WDR76: variants seen among roughly 807,000 people sequenced by gnomAD.
WDR76 encodes WD repeat domain 76, also known as WD repeat-containing protein 76.
A neutral mutation model predicts 70.2 loss-of-function variants in WDR76; 52 were observed. The ratio of observed to expected loss-of-function variants is 0.74; its 90% CI spans 0.59 to 0.93. The LOEUF is 0.93. Among genes scored for constraint, WDR76 ranks in the 40% least tolerant of loss-of-function variants. The pLI is 0.00. For missense variants in WDR76, 756 were observed against 760.2 expected, an observed-to-expected ratio of 0.99 and a Z score of 0.07; for synonymous variants, 292 against 271.1, an observed-to-expected ratio of 1.08 and a Z score of -0.76.
At chr15:43,842,560 G>A in intron 6 of WDR76, 44 bp downstream of exon 6, 1 of 1,594,612 alleles carries the variant, frequency 6.3e-7, no homozygotes, top group Non-Finnish European at 8.6e-7. Context: ...CATCTGTTAA[G>A]GAAATATATA....
chr15:43,854,702 G>C (rs1273238294), intron 9 of WDR76, among the ~76,000 whole-genome samples: 1 of 150,818 alleles, frequency 6.6e-6, no homozygotes, highest in Admixed American at 6.6e-5. Flanking sequence ...TAATCCCAGC[G>C]CTTTGGGAGG....
In WDR76 at chr15:43,832,743, G is replaced by GTTTTT. The variant is rs201304087; in HGVS notation, c.463-2295_463-2291dup. Among the ~76,000 whole-genome samples, 317 of 68,112 alleles carry GTTTTT rather than the reference G, an allele frequency of 4.7e-3. 96 individuals carry two copies. Among genetic ancestry groups the GTTTTT allele is most frequent in the Middle Eastern group, 0.02 (1 of 50 alleles). The allele number at this position is 68,112 out of a possible 152,430, so 44.7% of individuals were successfully genotyped here. On this transcript the variant is annotated intron_variant, in intron 2 of 12. Coordinates refer to ENST00000263795, the MANE Select transcript of WDR76 (RefSeq NM_024908.4). Reference sequence around the variant, plus strand: ...TGAGCCATTGCACCCGGCTTGCTTTGTTTTTTTTTTTTTTTTTTTTTTTTT... The same window carrying GTTTTT: ...TGAGCCATTGCACCCGGCTTGCTTTGTTTTTTTTTTTTTTTTTTTTTTTTTTTTTT...
At chr15:43,833,249 T>C (rs1430349044) in intron 2 of WDR76, among the ~76,000 whole-genome samples, 2 of 152,024 alleles carry the variant, frequency 1.3e-5, no homozygotes, top group African/African-American at 2.4e-5. Flanking sequence ...ACTACAAACT[T>C]GAACTTCTGG....
At chr15:43,860,432 T>G (rs144360728) in intron 11 of WDR76, among the ~76,000 whole-genome samples, 32 of 152,326 alleles carry the variant, frequency 2.1e-4, no homozygotes, top group African/African-American at 7.5e-4. Flanking sequence ...TTGTATATAG[T>G]TTTACAGTTC....
chr15:43,866,409 C>G lies in WDR76; in HGVS notation c.*17C>G, dbSNP rs779955272. Reference sequence around the variant, plus strand: ...AGCTGCTGAGTTTTTGGTTTAGGAACATCAATTTGTTCAAATTGACCACTG... The same window carrying G: ...AGCTGCTGAGTTTTTGGTTTAGGAAGATCAATTTGTTCAAATTGACCACTG... On this transcript the variant is annotated 3_prime_UTR_variant, in exon 13 of 13. Transcript: ENST00000263795. The G allele has an allele frequency of 3.1e-6, 5 of 1,611,238 alleles. No homozygotes were observed. The highest frequency in any genetic ancestry group is 3.4e-6 in the Non-Finnish European group (4 of 1,177,752).
At position 43,829,499 on chromosome 15, in the gene WDR76, CTTTTTTTT is replaced by C. The variant is rs34835269; in HGVS notation, c.462+1152_462+1159del. 1.4e-4 allele frequency among the ~76,000 whole-genome samples: 8 copies of C among 58,000 alleles called. No individual in the cohort carries two copies. In the South Asian group the frequency reaches 3.4e-3, roughly 25 times the overall value. The allele number at this position is 58,000 out of a possible 152,430, so 38.1% of individuals were successfully genotyped here. On this transcript the variant is annotated intron_variant, in intron 2 of 12. Transcript: ENST00000263795. ...TGGGGTTGAGAGCCTAGCATGGCCA[CTTTTTTTT>C]TTTTTTTTTTTTTTTTTTGAGACGA...
At chr15:43,832,156 C>T (rs536974328) in intron 2 of WDR76, among the ~76,000 whole-genome samples, 2 of 152,170 alleles carry the variant, frequency 1.3e-5, no homozygotes, top group Admixed American at 1.3e-4. Context: ...CATTGTCTTC[C>T]AGCTTCCTTC....
At position 43,827,036 on chromosome 15, in the gene WDR76, T is replaced by G. The variant is rs1191482397; in HGVS notation, c.4T>G (p.Ser2Ala). 1 of 1,614,030 alleles carries G rather than the reference T, an allele frequency of 6.2e-7. No homozygotes were observed. Among genetic ancestry groups the G allele is most frequent in the Non-Finnish European group, 8.5e-7 (1 of 1,180,012 alleles). ...CCGGCCGCTAAGAAGCCGAAAGATG[T>G]CCAGGTCGGGCGCGGCGGCTGAGAA... M[S>A]RSGAAAEKAD... The change falls in exon 1 of 13, where the codon TCC becomes GCC. Residue 2 changes from serine (S) to alanine (A), a missense_variant. Ser to Ala is a moderately conservative substitution (Grantham distance 99). Transcript: ENST00000263795.
chr15:43,857,214 C>A, intron 10 of WDR76, 51 bp downstream of exon 10: 2 of 1,513,040 alleles, frequency 1.3e-6, no homozygotes, highest in Non-Finnish European at 9.0e-7. Flanking sequence ...GTCACAATTA[C>A]ATGGTTTAGT....
intron 2 of WDR76, among the ~76,000 whole-genome samples, chr15:43,832,087 T>C (rs1567181854): frequency 6.6e-6 from 1 of 152,214 alleles, no homozygotes. Flanking sequence ...GATGACCTAA[T>C]TGGATTTAGA....
intron 7 of WDR76, among the ~76,000 whole-genome samples, chr15:43,843,414 C>T (rs755715657): frequency 8.6e-5 from 13 of 151,948 alleles, no homozygotes; most frequent in Non-Finnish European, 1.6e-4. Context: ...AGAAGGAGTT[C>T]ACTTCTCCTC....
rs1008470680 is a variant in WDR76, at chr15:43,866,530, G to A, written c.*138G>A. Reference sequence around the variant, plus strand: ...CATTGTTTTATTAATAAGACTATAAGAAGAGTGTACTTTTAGTAAGGGAGA... The same window carrying A: ...CATTGTTTTATTAATAAGACTATAAAAAGAGTGTACTTTTAGTAAGGGAGA... On this transcript the variant is annotated 3_prime_UTR_variant, in exon 13 of 13. Coordinates refer to ENST00000263795, the MANE Select transcript of WDR76 (RefSeq NM_024908.4). 9.7e-7 allele frequency: 1 copy of A among 1,034,298 alleles called. No individual in the cohort carries two copies. The highest frequency in any genetic ancestry group is 2.6e-5 in the Admixed American group (1 of 38,180). 64.1% of individuals were successfully genotyped at this position (1,034,298 alleles called of 1,614,324 possible).
chr15:43,856,928 T>A lies in WDR76; in HGVS notation c.1192-18T>A. On this transcript the variant is annotated intron_variant, in intron 9 of 12. Transcript: ENST00000263795. Reference sequence around the variant, plus strand: ...CAAGAAGAGTGTGATATAAGCTGATTGTTACTTATATTCTTAGGTGTATAG... The same window carrying A: ...CAAGAAGAGTGTGATATAAGCTGATAGTTACTTATATTCTTAGGTGTATAG... 1 of 1,598,112 alleles carries A rather than the reference T, an allele frequency of 6.3e-7. No homozygotes were observed. The highest frequency in any genetic ancestry group is 8.6e-7 in the Non-Finnish European group (1 of 1,168,762).
At chr15:43,841,955 A>G (rs997809543) in intron 5 of WDR76, among the ~76,000 whole-genome samples, 2 of 151,954 alleles carry the variant, frequency 1.3e-5, no homozygotes, top group African/African-American at 2.4e-5. Context: ...GCAACCTCCA[A>G]CACCTGGGTT....
rs905670048 is a variant in WDR76 at position 43,850,003 on chromosome 15, C to G, written c.1033-1084C>G. Among the ~76,000 whole-genome samples, 3 of 151,966 alleles carry G rather than the reference C, an allele frequency of 2.0e-5. No individual in the cohort carries two copies. The East Asian group carries it at 5.8e-4, about 29-fold the overall frequency. ...ATGTGTGATTATAATAATTTTTTCT[C>G]TTATTTTTTCTTTTAAAGAATACTT... On this transcript the variant is annotated intron_variant, in intron 8 of 12. Transcript: ENST00000263795.
intron 1 of WDR76, 164 bp downstream of exon 1, chr15:43,827,256 C>A: frequency 1.3e-6 from 1 of 756,264 alleles, no homozygotes. Flanking sequence ...ATCAATAACC[C>A]GAGAAATAGT....
Position 43,839,864 on chromosome 15 carries a change from TTTTG to T in WDR76, c.732+140_732+143del. 4.3e-6 allele frequency: 5 copies of T among 1,165,314 alleles called. No homozygotes were observed. In the South Asian group the frequency reaches 9.4e-5, roughly 22 times the overall value. The allele number at this position is 1,165,314 out of a possible 1,614,324, so 72.2% of individuals were successfully genotyped here. A position where few individuals can be genotyped will look rare whatever the true frequency, so the allele number is the denominator to read the frequency against. On this transcript the variant is annotated intron_variant, in intron 5 of 12. Transcript: ENST00000263795. The stretch of plus-strand genomic sequence containing the variant: ...AATACTTGAATGTTGTATGGTTTTG[TTTTG>T]TTTTTTTGAGATGGAGTCTCACTCT...
chr15:43,858,967 C>T (rs1310514894), intron 11 of WDR76, 144 bp downstream of exon 11: 12 of 1,088,700 alleles, frequency 1.1e-5, no homozygotes, highest in Non-Finnish European at 1.5e-5. Context: ...TTCCTAAAGA[C>T]TGGTGACCTG....
At chr15:43,832,186 A>G (rs576226908) in intron 2 of WDR76, among the ~76,000 whole-genome samples, 28 of 152,058 alleles carry the variant, frequency 1.8e-4, no homozygotes, top group Non-Finnish European at 3.5e-4. Context: ...AGTTTGTGCC[A>G]TTCTGATTCT....
Sources: gnomAD v4.1 joint callset for allele counts (sites outside exome capture counted in the v4.1 genomes callset) on GRCh38, gnomAD v4.1.1 for gene constraint, MANE v1.5 for transcripts, NCBI Gene and HGNC (gene_info 2026-07-23, HGNC 2026-07-21) for gene names.